The following CSMD1 variants were observed in gnomAD, a reference collection of about 807,000 sequenced individuals.
CSMD1 encodes CUB and Sushi multiple domains 1.
A neutral mutation model predicts 417.5 loss-of-function variants in CSMD1; 213 were observed. The observed-to-expected ratio is 0.51, with a 90% CI of 0.46 to 0.57. The LOEUF is 0.57. CSMD1 is among the 20% of genes least tolerant of loss of function. The pLI, the probability that CSMD1 is intolerant of heterozygous loss-of-function variation, is 0.00. For missense variants in CSMD1, 6,923 were observed against 4,529.7 expected (o/e 1.53, Z -15.17); for synonymous variants, 2,862 against 1,736.8 (o/e 1.65, Z -16.11).
chr8:4,807,373 C>G (rs1798650504), intron 1 of CSMD1, among the ~76,000 whole-genome samples: 1 of 152,166 alleles, frequency 6.6e-6, no homozygotes, highest in Non-Finnish European at 1.5e-5. Flanking sequence ...CTCTCCTGAG[C>G]TTCCCTCACT....
intron 10 of CSMD1, among the ~76,000 whole-genome samples, chr8:3,573,544 A>C (rs1401757785): frequency 1.3e-5 from 2 of 151,776 alleles, no homozygotes; most frequent in Admixed American, 1.3e-4. Flanking sequence ...CTGCTCATTA[A>C]AGCTTGAATT....
At chr8:3,487,805 T>G (rs574841000) in intron 11 of CSMD1, among the ~76,000 whole-genome samples, 1 of 152,230 alleles carries the variant, frequency 6.6e-6, no homozygotes, top group African/African-American at 2.4e-5. Context: ...CATGGAATAT[T>G]TTGTGATTTC....
Position 2,936,554 on chromosome 8 carries a change from C to T in CSMD1, c.*2031G>A, listed in dbSNP as rs562908637. On this transcript the variant is annotated 3_prime_UTR_variant, in exon 70 of 70. Transcript: ENST00000635120. Reference sequence around the variant, plus strand: ...TGAAACAGCAATGTAAGGATTCCCACTGGCAAAGCAAATCTCCAAGGATGT... The same window carrying T: ...TGAAACAGCAATGTAAGGATTCCCATTGGCAAAGCAAATCTCCAAGGATGT... 6.6e-6 allele frequency: 1 copy of T among 152,256 alleles called. No homozygotes were observed. The highest frequency in any genetic ancestry group is 2.4e-5 in the African/African-American group (1 of 41,530). 9.4% of individuals were successfully genotyped at this position (152,256 alleles called of 1,614,324 possible).
intron 4 of CSMD1, among the ~76,000 whole-genome samples, chr8:4,009,814 T>A (rs1053655565): frequency 1.3e-5 from 2 of 152,102 alleles, no homozygotes; most frequent in Admixed American, 6.6e-5. Context: ...CCCTCCCTCC[T>A]GTTCTCAGAG....
chr8:4,185,466 A>G (rs1372619897), intron 3 of CSMD1, among the ~76,000 whole-genome samples: 2 of 152,160 alleles, frequency 1.3e-5, no homozygotes, highest in African/African-American at 4.8e-5. Flanking sequence ...CATACACCAT[A>G]CAGACTCAAT....
chr8:2,996,128 T>C (rs957841576), intron 54 of CSMD1, among the ~76,000 whole-genome samples: 3 of 152,204 alleles, frequency 2.0e-5, no homozygotes, highest in African/African-American at 7.2e-5. Flanking sequence ...TGAAACATTT[T>C]ATTATGAATG....
intron 7 of CSMD1, among the ~76,000 whole-genome samples, chr8:3,632,743 T>C (rs1444265620): frequency 2.0e-5 from 3 of 152,196 alleles, no homozygotes; most frequent in East Asian, 1.9e-4. Context: ...CCAATGTCCT[T>C]GCCAAGTTTT....
intron 3 of CSMD1, among the ~76,000 whole-genome samples, chr8:4,291,259 A>C (rs1468729103): frequency 6.6e-6 from 1 of 152,154 alleles, no homozygotes; most frequent in Non-Finnish European, 1.5e-5. Context: ...AGTAATAAAG[A>C]AAATATTCAA....
chr8:4,418,608 C>T (rs1047438600), intron 3 of CSMD1, among the ~76,000 whole-genome samples: 1 of 152,090 alleles, frequency 6.6e-6, no homozygotes, highest in Non-Finnish European at 1.5e-5. Flanking sequence ...ATATGCCTGG[C>T]ATATAGCTGG....
At chr8:4,223,267 T>G (rs1257879393) in intron 3 of CSMD1, among the ~76,000 whole-genome samples, 5 of 152,188 alleles carry the variant, frequency 3.3e-5, no homozygotes, top group Admixed American at 6.5e-5. Flanking sequence ...ACTGACATTC[T>G]GAGCATCCAG....
chr8:3,807,372 C>A (rs550585465), intron 5 of CSMD1, among the ~76,000 whole-genome samples: 9 of 152,190 alleles, frequency 5.9e-5, no homozygotes, highest in Admixed American at 1.3e-4. Context: ...TGGGAATATT[C>A]CCAAGCCCTT....
intron 1 of CSMD1, among the ~76,000 whole-genome samples, chr8:4,948,319 C>G (rs373110720): frequency 2.6e-5 from 4 of 151,742 alleles, no homozygotes; most frequent in Admixed American, 2.0e-4. Flanking sequence ...TTTTGTTTTC[C>G]TTTTTTGAAG....
intron 1 of CSMD1, among the ~76,000 whole-genome samples, chr8:4,954,080 C>T (rs537650829): frequency 6.6e-6 from 1 of 152,256 alleles, no homozygotes; most frequent in Non-Finnish European, 1.5e-5. Flanking sequence ...AACATTTCTT[C>T]CATGTATCCT....
At chr8:3,221,394 T>C (rs1215175367) in intron 28 of CSMD1, among the ~76,000 whole-genome samples, 1 of 152,238 alleles carries the variant, frequency 6.6e-6, no homozygotes, top group East Asian at 1.9e-4. Context: ...TAGAATTTTA[T>C]TGGAATAATA....
intron 25 of CSMD1, among the ~76,000 whole-genome samples, chr8:3,285,720 A>C (rs917480037): frequency 8.5e-5 from 13 of 152,118 alleles, no homozygotes; most frequent in African/African-American, 3.1e-4. Context: ...ATAAAACAAA[A>C]AATCTTATAC....
chr8:4,525,002 A>G (rs542916830), intron 2 of CSMD1, among the ~76,000 whole-genome samples: 2 of 152,200 alleles, frequency 1.3e-5, no homozygotes, highest in Non-Finnish European at 2.9e-5. Flanking sequence ...GGTTTGTGCA[A>G]AATAATTGCA....
chr8:3,492,077 A>G (rs6993945), intron 11 of CSMD1, among the ~76,000 whole-genome samples: 12,367 of 152,232 alleles, frequency 0.081, 538 homozygotes, highest in African/African-American at 0.12. Flanking sequence ...GAGTCATTCA[A>G]CAAGGTGTAT....
intron 12 of CSMD1, among the ~76,000 whole-genome samples, chr8:3,447,152 A>C (rs1815355797): frequency 6.6e-6 from 1 of 152,250 alleles, no homozygotes; most frequent in African/African-American, 2.4e-5. Flanking sequence ...TCAAAGAGCC[A>C]CGGGCACTGA....
intron 1 of CSMD1, among the ~76,000 whole-genome samples, chr8:4,814,794 A>G (rs1184789426): frequency 1.3e-5 from 2 of 152,178 alleles, no homozygotes; most frequent in Non-Finnish European, 2.9e-5. Flanking sequence ...AATCTATATT[A>G]ATTTTAGCTT....
Sources: allele counts gnomAD v4.1 joint callset (sites outside exome capture counted in the v4.1 genomes callset), GRCh38; gene constraint gnomAD v4.1.1; transcripts MANE v1.5; gene names NCBI Gene and HGNC (gene_info 2026-07-23, HGNC 2026-07-21).